GSPT1: variants seen among roughly 807,000 people sequenced by gnomAD.
GSPT1 encodes eukaryotic peptide chain release factor GTP-binding subunit ERF3A.
GSPT1 carries 20 observed loss-of-function variants against 72.5 expected under a neutral mutation model. The observed-to-expected ratio is 0.28, with a 90% CI of 0.19 to 0.40. The LOEUF (loss-of-function observed/expected upper bound fraction) is 0.40. GSPT1 is among the 10% of genes least tolerant of loss of function. The probability of loss-of-function intolerance (pLI) is 1.00; values close to 1 mark genes in which losing one functional copy is unlikely to be tolerated. For synonymous variants in GSPT1, 334 were observed against 293.5 expected (o/e 1.14, Z -1.41); for missense variants, 580 against 811.9 (o/e 0.71, Z 3.47).
chr16:11,874,981 G>T (rs552260210), intron 14 of GSPT1, among the ~76,000 whole-genome samples: 2 of 152,212 alleles, frequency 1.3e-5, no homozygotes, highest in South Asian at 4.1e-4. Flanking sequence ...CACGAGGTCA[G>T]GAGATCAAGA....
chr16:11,879,270 C>G (rs1393470333), intron 11 of GSPT1, among the ~76,000 whole-genome samples: 1 of 151,492 alleles, frequency 6.6e-6, no homozygotes, highest in Non-Finnish European at 1.5e-5. Flanking sequence ...TGGCAGGCAC[C>G]TGTAATCCCA....
intron 5 of GSPT1, among the ~76,000 whole-genome samples, chr16:11,891,767 AT>A (rs2054265011): frequency 6.7e-6 from 1 of 149,998 alleles, no homozygotes; most frequent in Admixed American, 6.7e-5. Flanking sequence ...GGTTCAAGCG[AT>A]TCTCCTGTCT....
intron 10 of GSPT1, among the ~76,000 whole-genome samples, chr16:11,883,672 T>C (rs184617321): frequency 1.7e-3 from 262 of 151,178 alleles, no homozygotes; most frequent in South Asian, 4.0e-3. Context: ...CCCAGCACTT[T>C]GGGAGGCCGA....
chr16:11,880,772 T>C (rs1423921520), intron 11 of GSPT1, among the ~76,000 whole-genome samples: 1 of 152,262 alleles, frequency 6.6e-6, no homozygotes, highest in Non-Finnish European at 1.5e-5. Context: ...AGGTTTTCTG[T>C]TGACTTGTAG....
intron 5 of GSPT1, among the ~76,000 whole-genome samples, chr16:11,893,127 G>A (rs1463681607): frequency 6.6e-6 from 1 of 151,784 alleles, no homozygotes; most frequent in Non-Finnish European, 1.5e-5. Flanking sequence ...GGGCATGGTG[G>A]TGCAAGCGTG....
At chr16:11,885,344 T>A in intron 9 of GSPT1, 70 bp from the exon 10 acceptor site, 2 of 740,900 alleles carry the variant, frequency 2.7e-6, no homozygotes, top group Non-Finnish European at 4.9e-6. Flanking sequence ...TACATGACTA[T>A]AAACAGCTTC....
intron 1 of GSPT1, among the ~76,000 whole-genome samples, chr16:11,898,994 T>C (rs1313445957): frequency 6.6e-6 from 1 of 152,180 alleles, no homozygotes; most frequent in African/African-American, 2.4e-5. Context: ...GGAAGAGATG[T>C]AGGAGAAATA....
intron 6 of GSPT1, among the ~76,000 whole-genome samples, chr16:11,890,528 T>TA (rs1225470668): frequency 6.6e-6 from 1 of 152,138 alleles, no homozygotes; most frequent in Non-Finnish European, 1.5e-5. Context: ...AATTTTATTT[T>TA]AAAAAAATGA....
chr16:11,883,218 C>T (rs1417425402), intron 10 of GSPT1, 123 bp from the exon 11 acceptor site: 1 of 643,248 alleles, frequency 1.6e-6, no homozygotes, highest in Non-Finnish European at 2.8e-6. Context: ...AAGTAGAAGG[C>T]TTAGGTTCAT....
chr16:11,892,530 A>AAAAAAAAAAAAAAAAAAAAAAG (rs2054279104), intron 5 of GSPT1, among the ~76,000 whole-genome samples: 3 of 146,432 alleles, frequency 2.0e-5, no homozygotes, highest in Admixed American at 6.8e-5. Flanking sequence ...AAACAAAAAA[A>AAAAAAAAAAAAAAAAAAAAAAG]ACAAAAAATA....
At chr16:11,890,278 TA>T (rs1253728523) in intron 6 of GSPT1, among the ~76,000 whole-genome samples, 1 of 152,128 alleles carries the variant, frequency 6.6e-6, no homozygotes, top group Non-Finnish European at 1.5e-5. Flanking sequence ...TTTAATAAAA[TA>T]AAAAATAACT....
intron 3 of GSPT1, among the ~76,000 whole-genome samples, chr16:11,897,028 A>T (rs2054348968): frequency 6.6e-6 from 1 of 152,222 alleles, no homozygotes; most frequent in Admixed American, 6.5e-5. Context: ...ATTTTAGCAA[A>T]GCTTCATTTT....
chr16:11,891,548 G>A (rs2054261243), intron 5 of GSPT1, among the ~76,000 whole-genome samples: 1 of 151,496 alleles, frequency 6.6e-6, no homozygotes, highest in Non-Finnish European at 1.5e-5. Context: ...TTGTAGTAAA[G>A]ATGGGGTTTC....
At chr16:11,904,105 C>T (rs1385861782) in intron 1 of GSPT1, 3 of 231,242 alleles carry the variant, frequency 1.3e-5, no homozygotes, top group African/African-American at 6.9e-5. Context: ...GAAGGCCACA[C>T]ATCTGAGGTT....
At chr16:11,889,906 G>A (rs940033514) in intron 6 of GSPT1, among the ~76,000 whole-genome samples, 1 of 151,976 alleles carries the variant, frequency 6.6e-6, no homozygotes, top group Admixed American at 6.6e-5. Flanking sequence ...CTCCCAAAGT[G>A]CTGAGATTAC....
In GSPT1 at chr16:11,869,890, T is replaced by C. The variant is rs1271374462; in HGVS notation, c.*3229A>G. 4 of 152,210 alleles carry C rather than the reference T, an allele frequency of 2.6e-5. No homozygotes were observed. The highest frequency in any genetic ancestry group is 5.9e-5 in the Non-Finnish European group (4 of 68,038). 9.4% of individuals were successfully genotyped at this position (152,210 alleles called of 1,614,324 possible). Reference sequence around the variant, plus strand: ...CAACTTTTTTCTTGGGTTGCAAAACTGCATCTGGCTGCAAGTCTAACCCAA... The same window carrying C: ...CAACTTTTTTCTTGGGTTGCAAAACCGCATCTGGCTGCAAGTCTAACCCAA... On this transcript the variant is annotated 3_prime_UTR_variant, in exon 15 of 15. Coordinates refer to ENST00000434724, the MANE Select transcript of GSPT1 (RefSeq NM_002094.4).
intron 3 of GSPT1, 89 bp downstream of exon 3, chr16:11,897,751 C>T: frequency 1.4e-6 from 1 of 725,330 alleles, no homozygotes; most frequent in Non-Finnish European, 2.5e-6. Context: ...GTAGGCATTA[C>T]AATAATCGTA....
intron 1 of GSPT1, among the ~76,000 whole-genome samples, chr16:11,907,258 C>CA (rs1020545680): frequency 4.6e-5 from 7 of 152,308 alleles, no homozygotes; most frequent in African/African-American, 1.7e-4. Flanking sequence ...TACTTTAATA[C>CA]AAAATCACAA....
At chr16:11,884,763 C>CAAAAA (rs35794680) in intron 10 of GSPT1, among the ~76,000 whole-genome samples, 1 of 94,682 alleles carries the variant, frequency 1.1e-5, no homozygotes, top group Non-Finnish European at 2.2e-5. Flanking sequence ...GACTCCGTCT[C>CAAAAA]AAAAAAAAAA....
Sources: allele counts gnomAD v4.1 joint callset (sites outside exome capture counted in the v4.1 genomes callset), GRCh38; gene constraint gnomAD v4.1.1; transcripts MANE v1.5; gene names NCBI Gene and HGNC (gene_info 2026-07-23, HGNC 2026-07-21).